Variants in WASHC2C observed in about 807,000 individuals in gnomAD.
WASHC2C encodes the protein WASH complex subunit 2C.
Under a neutral mutation model 142.2 loss-of-function variants are expected in WASHC2C, and 73 were observed. The observed-to-expected ratio is 0.51, with a 90% CI of 0.43 to 0.62. WASHC2C has a LOEUF of 0.62. Ranked by LOEUF, WASHC2C falls within the 20% of genes least tolerant of loss-of-function variation. The pLI is 0.00. For synonymous variants in WASHC2C, 337 were observed against 565.5 expected, an observed-to-expected ratio of 0.60 and a Z score of 5.73; for missense variants, 969 against 1,531.7, an observed-to-expected ratio of 0.63 and a Z score of 6.13.
intron 19 of WASHC2C, among the ~76,000 whole-genome samples, 188 bp downstream of exon 19, chr10:45,765,998 C>T (rs1449270760): frequency 6.6e-6 from 1 of 152,168 alleles, no homozygotes; most frequent in Non-Finnish European, 1.5e-5. Context: ...TGAATCTCTT[C>T]AAAATGGTTA....
chr10:45,764,094 G>T lies in WASHC2C; in HGVS notation c.1737+605G>T, dbSNP rs1327795645. Among the ~76,000 whole-genome samples the T allele has an allele frequency of 5.2e-4, 78 of 150,646 alleles. No individual in the cohort carries two copies. The East Asian group carries it at 0.015, about 28-fold the overall frequency. On this transcript the variant is annotated intron_variant, in intron 18 of 30. Transcript: ENST00000623400. ...CAATTGACCCTTTAACAGTGTGGAG[G>T]TTATTTTGACTTCCACATTGCAGTG...
intron 11 of WASHC2C, among the ~76,000 whole-genome samples, chr10:45,752,049 C>T (rs1589708143): frequency 6.6e-6 from 1 of 152,160 alleles, no homozygotes; most frequent in Non-Finnish European, 1.5e-5. Context: ...GTAAAAATTC[C>T]TGTAGAGATT....
chr10:45,730,836 A>G (rs1402175245), intron 3 of WASHC2C, among the ~76,000 whole-genome samples: 3 of 151,896 alleles, frequency 2.0e-5, no homozygotes, highest in South Asian at 2.1e-4. Flanking sequence ...AGCCAGGATG[A>G]TCTCGATCTC....
At chr10:45,780,682 G>T (rs1380680064) in intron 23 of WASHC2C, among the ~76,000 whole-genome samples, 1 of 151,368 alleles carries the variant, frequency 6.6e-6, no homozygotes, top group Non-Finnish European at 1.5e-5. Flanking sequence ...ATCAATATGT[G>T]AAAACCAATT....
chr10:45,735,920 C>T (rs2051168948), intron 3 of WASHC2C, among the ~76,000 whole-genome samples: 1 of 151,974 alleles, frequency 6.6e-6, no homozygotes, highest in Non-Finnish European at 1.5e-5. Context: ...TATTTATTCC[C>T]TCTCTAGGTA....
chr10:45,785,896 A>G (rs572103671), intron 26 of WASHC2C: 31 of 503,684 alleles, frequency 6.2e-5, no homozygotes, highest in Non-Finnish European at 9.8e-5. Flanking sequence ...TTAAGGTAGG[A>G]TGAAGAATCT....
chr10:45,785,343 C>G (rs1255758864), intron 25 of WASHC2C, among the ~76,000 whole-genome samples, 166 bp from the exon 26 acceptor site: 32 of 152,150 alleles, frequency 2.1e-4, no homozygotes, highest in Non-Finnish European at 2.9e-5. Flanking sequence ...GTGACAGCCA[C>G]AGTCTTCAGA....
At chr10:45,733,350 G>A (rs1164781793) in intron 3 of WASHC2C, among the ~76,000 whole-genome samples, 1 of 152,300 alleles carries the variant, frequency 6.6e-6, no homozygotes, top group South Asian at 2.1e-4. Flanking sequence ...ATGAGAGTAC[G>A]CATAAATGAA....
chr10:45,741,218 G>T (rs2052003788), intron 5 of WASHC2C, among the ~76,000 whole-genome samples: 2 of 152,162 alleles, frequency 1.3e-5, no homozygotes, highest in African/African-American at 4.8e-5. Flanking sequence ...AAAGTGCTGG[G>T]ATTACAGACA....
Position 45,765,669 on chromosome 10 carries a change from G to C in WASHC2C, c.1738-10G>C. On this transcript the variant is annotated splice_polypyrimidine_tract_variant and intron_variant, in intron 18 of 30. Transcript: ENST00000623400. ...AAGTTGTCTTACCTTTCTGCCATTT[G>C]CTTTTCTAGGATAATCTTTTTGGGG... is the stretch of plus-strand genomic sequence containing the variant. 2 of 1,611,536 alleles carry C rather than the reference G, an allele frequency of 1.2e-6. No homozygotes were observed. Among genetic ancestry groups the C allele is most frequent in the Non-Finnish European group, 1.7e-6 (2 of 1,179,754 alleles).
intron 15 of WASHC2C, among the ~76,000 whole-genome samples, chr10:45,756,684 G>A (rs190688695): frequency 3.3e-5 from 5 of 152,216 alleles, no homozygotes; most frequent in Admixed American, 2.6e-4. Flanking sequence ...TGACTTGGTG[G>A]CCCTCTTAAA....
chr10:45,790,277 C>G (rs1209476931), intron 29 of WASHC2C, 79 bp from the exon 30 acceptor site: 3 of 1,604,318 alleles, frequency 1.9e-6, no homozygotes, highest in Non-Finnish European at 2.6e-6. Flanking sequence ...AATTGCATTT[C>G]CATAGCTTGT....
intron 11 of WASHC2C, among the ~76,000 whole-genome samples, chr10:45,751,856 T>A (rs1294324736): frequency 6.6e-6 from 1 of 151,754 alleles, no homozygotes; most frequent in Non-Finnish European, 1.5e-5. Flanking sequence ...GGGTGCCTGT[T>A]GTCCCAGCTA....
At position 45,788,902 on chromosome 10, in the gene WASHC2C, C is replaced by T. The variant is rs1358309249; in HGVS notation, c.3119C>T (p.Pro1040Leu). Residue 1040 changes from proline (P) to leucine (L), a missense_variant, in exon 29 of 31, where the codon CCG becomes CTG. Physicochemically the swap from Pro to Leu is moderately conservative, Grantham distance 98. Transcript: ENST00000623400. The stretch of plus-strand genomic sequence containing the variant: ...GTCAAGATGAGAGGGAAGCGTAGAC[C>T]GCAGACCCGTGCAGCTAGGCGGCTG... ...SRVKMRGKRRPQTRAARRLAA... is the reference protein window; with the variant it reads ...SRVKMRGKRRLQTRAARRLAA... The T allele has an allele frequency of 1.2e-5, 19 of 1,611,842 alleles. No individual in the cohort carries two copies. In the East Asian group the frequency reaches 1.3e-4, roughly 11 times the overall value.
At chr10:45,789,791 A>C (rs1373841295) in intron 29 of WASHC2C, among the ~76,000 whole-genome samples, 15 of 152,284 alleles carry the variant, frequency 9.9e-5, no homozygotes, top group African/African-American at 3.6e-4. Context: ...CTTCCTGGGC[A>C]TGCCACTCGG....
At chr10:45,736,843 C>T (rs1404901578) in intron 3 of WASHC2C, among the ~76,000 whole-genome samples, 2 of 151,730 alleles carry the variant, frequency 1.3e-5, no homozygotes, top group African/African-American at 4.8e-5. Context: ...AAATTCAGTC[C>T]TTTAAAAAGT....
intron 28 of WASHC2C, among the ~76,000 whole-genome samples, chr10:45,788,012 A>G (rs1303749973): frequency 6.6e-6 from 1 of 152,260 alleles, no homozygotes; most frequent in Non-Finnish European, 1.5e-5. Flanking sequence ...AGGACACAGA[A>G]TGACCTACCC....
chr10:45,734,110 A>G (rs1469051729), intron 3 of WASHC2C, among the ~76,000 whole-genome samples: 6 of 152,224 alleles, frequency 3.9e-5, no homozygotes, highest in African/African-American at 1.4e-4. Context: ...CTGTAGTCCC[A>G]GCTACTCGGG....
At chr10:45,771,364 C>CAAAA (rs58095251) in intron 20 of WASHC2C, among the ~76,000 whole-genome samples, 1 of 40,200 alleles carries the variant, frequency 2.5e-5, no homozygotes, top group South Asian at 8.9e-4. Context: ...GACTCCATCT[C>CAAAA]AAAAAAAAAA....
Sources: allele counts gnomAD v4.1 joint callset (sites outside exome capture counted in the v4.1 genomes callset), GRCh38; gene constraint gnomAD v4.1.1; transcripts MANE v1.5; gene names NCBI Gene and HGNC (gene_info 2026-07-23, HGNC 2026-07-21).